SFSWAP: variants seen among roughly 807,000 people sequenced by gnomAD.
SFSWAP encodes splicing factor, suppressor of white-apricot homolog.
In SFSWAP, 17 loss-of-function variants were observed where a neutral mutation model predicts 100.7. The observed-to-expected ratio is 0.17, with a 90% CI of 0.12 to 0.25. SFSWAP has a LOEUF of 0.25. SFSWAP is among the 10% of genes least tolerant of loss of function. The pLI, the probability that SFSWAP is intolerant of heterozygous loss-of-function variation, is 1.00. For missense variants in SFSWAP, 1,005 were observed against 1,262.6 expected (o/e 0.80, Z 3.09); for synonymous variants, 504 against 510.1 (o/e 0.99, Z 0.16).
In SFSWAP at chr12:131,711,523, A is replaced by G. The variant is rs564448326; in HGVS notation, c.218+76A>G. 31 of 1,273,528 alleles carry G rather than the reference A, an allele frequency of 2.4e-5. 1 individual carries two copies. In the South Asian group the frequency reaches 3.7e-4, roughly 15 times the overall value. The allele number at this position is 1,273,528 out of a possible 1,614,324, so 78.9% of individuals were successfully genotyped here. ...TCTCGTCTGATGTTGACTTGACTGCAAGGACTGCAGAGAGTTTTCTGGAGC... is the reference window on the plus strand; with the variant it reads ...TCTCGTCTGATGTTGACTTGACTGCGAGGACTGCAGAGAGTTTTCTGGAGC... On this transcript the variant is annotated intron_variant, in intron 1 of 17. Transcript: ENST00000261674. This position sits in a 1 kb window ranked among gnomAD's most constrained non-coding sequence, Gnocchi z 4.9.
chr12:131,772,257 G>A (rs1438121607), intron 13 of SFSWAP, among the ~76,000 whole-genome samples: 2 of 152,146 alleles, frequency 1.3e-5, no homozygotes, highest in Non-Finnish European at 2.9e-5. Context: ...ATTCCCATTT[G>A]TACTCGATCT....
rs952748212 is a variant in SFSWAP, at chr12:131,730,788, C to A, written c.1081+2360C>A. On this transcript the variant is annotated intron_variant, in intron 7 of 17. Coordinates refer to ENST00000261674, the MANE Select transcript of SFSWAP (RefSeq NM_004592.4). This position sits in a 1 kb window ranked among gnomAD's most constrained non-coding sequence, Gnocchi z 4.0. Reference sequence around the variant, plus strand: ...CACTGACGGCACCCCACCCTATCCTCCCAACTGCAAGGGCTCTAGTAGGGG... The same window carrying A: ...CACTGACGGCACCCCACCCTATCCTACCAACTGCAAGGGCTCTAGTAGGGG... Among the ~76,000 whole-genome samples, 1 of 152,172 alleles carries A rather than the reference C, an allele frequency of 6.6e-6. No homozygotes were observed. Among genetic ancestry groups the A allele is most frequent in the African/African-American group, 2.4e-5 (1 of 41,440 alleles).
chr12:131,736,543 C>CA (rs1555242801), intron 7 of SFSWAP, among the ~76,000 whole-genome samples: 3 of 152,128 alleles, frequency 2.0e-5, no homozygotes, highest in Non-Finnish European at 4.4e-5. Context: ...TTTAAAGACT[C>CA]ACCCTCACTG....
intron 7 of SFSWAP, among the ~76,000 whole-genome samples, chr12:131,740,482 A>G (rs953944538): frequency 6.6e-6 from 1 of 152,160 alleles, no homozygotes; most frequent in African/African-American, 2.4e-5. Flanking sequence ...TATACCTTTC[A>G]GTCAGAGATT....
intron 11 of SFSWAP, 106 bp downstream of exon 11, chr12:131,756,750 G>C: frequency 9.8e-7 from 1 of 1,020,052 alleles, no homozygotes; most frequent in South Asian, 1.7e-5. Flanking sequence ...GGCTGGGGTG[G>C]GGTTGGCGGC....
intron 13 of SFSWAP, among the ~76,000 whole-genome samples, chr12:131,772,583 A>C (rs1270564807): frequency 6.6e-6 from 1 of 152,198 alleles, no homozygotes; most frequent in African/African-American, 2.4e-5. Context: ...GAACCAGAGC[A>C]AAGGAACTCT....
intron 15 of SFSWAP, among the ~76,000 whole-genome samples, chr12:131,793,604 C>A (rs1885428797): frequency 1.3e-5 from 2 of 151,946 alleles, no homozygotes; most frequent in African/African-American, 2.4e-5. Context: ...GAGGAAAAAA[C>A]CAATTAGACT....
chr12:131,774,536 G>A (rs1015082316), intron 13 of SFSWAP, among the ~76,000 whole-genome samples: 3 of 152,232 alleles, frequency 2.0e-5, no homozygotes, highest in Admixed American at 6.5e-5. Context: ...ACCAATGTAC[G>A]TCTGCCCCCC....
chr12:131,738,274 G>A (rs1409001347), intron 7 of SFSWAP, among the ~76,000 whole-genome samples: 1 of 152,126 alleles, frequency 6.6e-6, no homozygotes, highest in East Asian at 1.9e-4. Context: ...TTTATTGTAT[G>A]TCAAGAGAAG....
chr12:131,716,671 G>T (rs1877945575), intron 3 of SFSWAP, among the ~76,000 whole-genome samples: 2 of 152,174 alleles, frequency 1.3e-5, no homozygotes, highest in Non-Finnish European at 2.9e-5. Context: ...ATGCTCATTT[G>T]TTTACATATT....
At chr12:131,727,921 T>A (rs1031325354) in intron 6 of SFSWAP, among the ~76,000 whole-genome samples, 3 of 152,224 alleles carry the variant, frequency 2.0e-5, no homozygotes, top group Non-Finnish European at 4.4e-5. Context: ...TTTGTGGGAA[T>A]GATTGCTGAT....
intron 3 of SFSWAP, among the ~76,000 whole-genome samples, chr12:131,716,900 T>A (rs1217105723): frequency 6.6e-6 from 1 of 152,234 alleles, no homozygotes; most frequent in Non-Finnish European, 1.5e-5. Flanking sequence ...TGACTTAGCT[T>A]ATCATCTGAG....
chr12:131,767,810 C>A (rs1390212876), intron 13 of SFSWAP, among the ~76,000 whole-genome samples: 1 of 151,986 alleles, frequency 6.6e-6, no homozygotes, highest in East Asian at 1.9e-4. Flanking sequence ...GAGAAGAGAA[C>A]AGCAGACTCG....
At chr12:131,741,940 T>G (rs1208826051) in intron 7 of SFSWAP, among the ~76,000 whole-genome samples, 3 of 152,150 alleles carry the variant, frequency 2.0e-5, no homozygotes, top group Non-Finnish European at 2.9e-5. Flanking sequence ...GTGCTCCTTC[T>G]TCCCTGGTGT....
chr12:131,799,607 T>C lies in SFSWAP; in HGVS notation c.*119T>C. ...TGGACCCTTGGTGGCTTTTGTAAAT[T>C]AATTTTTGATGACATTTTGAGTTTT... is the stretch of plus-strand genomic sequence containing the variant. On this transcript the variant is annotated 3_prime_UTR_variant, in exon 18 of 18. Coordinates refer to ENST00000261674, the MANE Select transcript of SFSWAP (RefSeq NM_004592.4). The C allele has an allele frequency of 1.4e-6, 1 of 711,102 alleles. No homozygotes were observed. Among genetic ancestry groups the C allele is most frequent in the South Asian group, 1.7e-5 (1 of 57,438 alleles). The allele number at this position is 711,102 out of a possible 1,614,324, so 44.0% of individuals were successfully genotyped here.
intron 13 of SFSWAP, among the ~76,000 whole-genome samples, chr12:131,772,522 G>C (rs551184649): frequency 6.6e-6 from 1 of 152,154 alleles, no homozygotes; most frequent in Non-Finnish European, 1.5e-5. Flanking sequence ...TCGTTTTCTC[G>C]GCTGCCACTC....
chr12:131,712,809 T>C (rs1877507786), intron 1 of SFSWAP: 1 of 152,190 alleles, frequency 6.6e-6, no homozygotes, highest in Non-Finnish European at 1.5e-5. Context: ...AAAGTGTCAC[T>C]TGTGTTATTT....
chr12:131,796,977 T>G, intron 15 of SFSWAP: 1 of 524,216 alleles, frequency 1.9e-6, no homozygotes, highest in East Asian at 3.0e-5. Flanking sequence ...TTACTTGAGG[T>G]CCTAAATGGG....
Position 131,711,105 on chromosome 12 carries a change from A to C in SFSWAP, c.-125A>C. On this transcript the variant is annotated 5_prime_UTR_variant, in exon 1 of 18. It removes an upstream start codon present in the reference 5' UTR. Coordinates refer to ENST00000261674, the MANE Select transcript of SFSWAP (RefSeq NM_004592.4). The surrounding 1 kb of genome is among the most constrained non-coding windows in gnomAD (Gnocchi z 4.9). ...CCCCTCCACCATTTTGTGGCCCGCT[A>C]TGGCGGCGGTGTTGAGGTTGGGTAC... The C allele has an allele frequency of 4.0e-6, 3 of 743,112 alleles. No homozygotes were observed. The highest frequency in any genetic ancestry group is 4.2e-6 in the Non-Finnish European group (2 of 472,440). The allele number at this position is 743,112 out of a possible 1,614,324, so 46.0% of individuals were successfully genotyped here.
Sources: allele counts gnomAD v4.1 joint callset (sites outside exome capture counted in the v4.1 genomes callset), GRCh38; gene constraint gnomAD v4.1.1; non-coding constraint Gnocchi (gnomAD v3.1); transcripts MANE v1.5; gene names NCBI Gene and HGNC (gene_info 2026-07-23, HGNC 2026-07-21).